The following CERS6 variants were observed in gnomAD, a reference collection of about 807,000 sequenced individuals.
CERS6 encodes LAG1 homolog, ceramide synthase 6.
In CERS6, 26 loss-of-function variants were observed where a neutral mutation model predicts 56.8. The ratio of observed to expected loss-of-function variants is 0.46; its 90% CI spans 0.34 to 0.63. The LOEUF is 0.63. Among genes scored for constraint, CERS6 ranks in the 30% least tolerant of loss-of-function variants. The probability of loss-of-function intolerance (pLI) is 0.01; values close to 1 mark genes in which losing one functional copy is unlikely to be tolerated. For missense variants in CERS6, 415 were observed against 467.5 expected, an observed-to-expected ratio of 0.89 and a Z score of 1.04; for synonymous variants, 164 against 173.3, an observed-to-expected ratio of 0.95 and a Z score of 0.42.
At chr2:168,689,572 C>G (rs1686445761) in intron 4 of CERS6, among the ~76,000 whole-genome samples, 1 of 152,168 alleles carries the variant, frequency 6.6e-6, no homozygotes, top group South Asian at 2.1e-4. Context: ...TGCACACGCT[C>G]TCATTTGATC....
At chr2:168,741,014 T>G (rs113186009) in intron 8 of CERS6, among the ~76,000 whole-genome samples, 11,296 of 151,456 alleles carry the variant, frequency 0.075, 533 homozygotes, top group East Asian at 0.11. Context: ...GTAGAGAGAG[T>G]GATGCTGCAG....
intron 6 of CERS6, among the ~76,000 whole-genome samples, chr2:168,707,581 G>A (rs879312412): frequency 2.6e-5 from 4 of 152,104 alleles, no homozygotes; most frequent in East Asian, 1.9e-4. Flanking sequence ...TAAATGGTCC[G>A]TTTAACCAGC....
At chr2:168,570,503 A>G (rs2105388181) in intron 3 of CERS6, among the ~76,000 whole-genome samples, 1 of 152,284 alleles carries the variant, frequency 6.6e-6, no homozygotes, top group African/African-American at 2.4e-5. Context: ...GGAGGGACAG[A>G]GGAACAAAGC....
intron 1 of CERS6, among the ~76,000 whole-genome samples, chr2:168,545,508 G>A (rs1364702383): frequency 6.7e-6 from 1 of 149,820 alleles, no homozygotes; most frequent in Non-Finnish European, 1.5e-5. Flanking sequence ...AATTTTTTTT[G>A]ATTTTTTTTT....
chr2:168,611,156 A>T (rs1032067600), intron 3 of CERS6, among the ~76,000 whole-genome samples: 1 of 152,164 alleles, frequency 6.6e-6, no homozygotes, highest in South Asian at 2.1e-4. Flanking sequence ...AAAAAGTCTG[A>T]TGTCTTATAA....
At chr2:168,621,900 G>A (rs1050286452) in intron 3 of CERS6, among the ~76,000 whole-genome samples, 5 of 152,166 alleles carry the variant, frequency 3.3e-5, no homozygotes, top group African/African-American at 4.8e-5. Context: ...GCTTAGAAAA[G>A]GATGGTTGGA....
intron 6 of CERS6, among the ~76,000 whole-genome samples, chr2:168,710,984 G>A (rs1205351052): frequency 3.3e-5 from 5 of 152,136 alleles, no homozygotes; most frequent in Non-Finnish European, 7.4e-5. Context: ...CCCTGACAGT[G>A]GAATCTACCA....
rs374401012 is a variant in CERS6 at position 168,563,808 on chromosome 2, A to G, written c.407+2486A>G. ...CAAGACTCCATCTCAAAAAAAGAAA[A>G]TAACCAGATATGTGTGTTGTAGGAT... is the stretch of plus-strand genomic sequence containing the variant. On this transcript the variant is annotated intron_variant, in intron 3 of 9. Coordinates refer to ENST00000305747, the MANE Select transcript of CERS6 (RefSeq NM_203463.3). 3.9e-5 allele frequency among the ~76,000 whole-genome samples: 6 copies of G among 152,240 alleles called. No homozygotes were observed. In the East Asian group the frequency reaches 9.7e-4, roughly 24 times the overall value.
rs1687226632 is a variant in CERS6 at position 168,716,371 on chromosome 2, T to C, written c.738+1242T>C. On this transcript the variant is annotated intron_variant, in intron 7 of 9. Transcript: ENST00000305747. ...CAACCTAAGGCTGTACAATCAATCC[T>C]ATACAATTAGCCAACTTCATTGCCT... Among the ~76,000 whole-genome samples, 3 of 152,126 alleles carry C rather than the reference T, an allele frequency of 2.0e-5. No individual in the cohort carries two copies. In the South Asian group the frequency reaches 6.2e-4, roughly 31 times the overall value.
intron 8 of CERS6, among the ~76,000 whole-genome samples, chr2:168,754,530 A>G (rs764162641): frequency 3.5e-4 from 53 of 152,062 alleles, no homozygotes; most frequent in African/African-American, 1.2e-3. Context: ...TACACACACA[A>G]TGCCTAAGGT....
chr2:168,486,151 G>A (rs1993222), intron 1 of CERS6, among the ~76,000 whole-genome samples: 8,378 of 151,978 alleles, frequency 0.055, 338 homozygotes, highest in East Asian at 0.18. Flanking sequence ...GTCCTTTTTG[G>A]CAAGGTGTCT....
intron 4 of CERS6, among the ~76,000 whole-genome samples, chr2:168,685,327 A>G (rs1033245658): frequency 2.0e-5 from 3 of 152,332 alleles, no homozygotes; most frequent in African/African-American, 7.2e-5. Context: ...ATTCAGCTGC[A>G]GATGCCTACT....
rs560870225 is a variant in CERS6 at position 168,691,545 on chromosome 2, C to T, written c.516+461C>T. On this transcript the variant is annotated intron_variant, in intron 5 of 9. Coordinates refer to ENST00000305747, the MANE Select transcript of CERS6 (RefSeq NM_203463.3). ...AAATATGTAAATCAAGCACCATTTCCTTGAGTGCAGAAAAATGGGCTTGTA... is the reference window on the plus strand; with the variant it reads ...AAATATGTAAATCAAGCACCATTTCTTTGAGTGCAGAAAAATGGGCTTGTA... 2.6e-5 allele frequency among the ~76,000 whole-genome samples: 4 copies of T among 152,298 alleles called. No homozygotes were observed. In the East Asian group the frequency reaches 7.7e-4, roughly 29 times the overall value.
chr2:168,546,631 G>A (rs1371880385), intron 1 of CERS6, among the ~76,000 whole-genome samples: 1 of 152,086 alleles, frequency 6.6e-6, no homozygotes, highest in East Asian at 1.9e-4. Context: ...ATTATGGTCT[G>A]TTTTGCATAT....
intron 4 of CERS6, among the ~76,000 whole-genome samples, chr2:168,673,802 A>G (rs1685983885): frequency 6.6e-6 from 1 of 152,214 alleles, no homozygotes; most frequent in Non-Finnish European, 1.5e-5. Flanking sequence ...TGCTTAAATA[A>G]TTTAATGTTG....
chr2:168,543,811 C>T (rs149401699), intron 1 of CERS6, among the ~76,000 whole-genome samples: 27 of 152,276 alleles, frequency 1.8e-4, no homozygotes, highest in South Asian at 4.1e-4. Context: ...GTAAAGCCTA[C>T]GCAAGTGCTC....
chr2:168,564,732 C>G (rs1695853798), intron 3 of CERS6, among the ~76,000 whole-genome samples: 1 of 152,114 alleles, frequency 6.6e-6, no homozygotes, highest in Admixed American at 6.6e-5. Flanking sequence ...AATCCCAGGC[C>G]CTCTCTGAAG....
chr2:168,525,805 T>C (rs1395521836), intron 1 of CERS6, among the ~76,000 whole-genome samples: 1 of 152,264 alleles, frequency 6.6e-6, no homozygotes, highest in African/African-American at 2.4e-5. Context: ...TGCAGGTCTT[T>C]AAATAAGAAC....
intron 4 of CERS6, among the ~76,000 whole-genome samples, chr2:168,667,757 T>C (rs1234533417): frequency 6.6e-6 from 1 of 152,220 alleles, no homozygotes; most frequent in Non-Finnish European, 1.5e-5. Flanking sequence ...GGTGTGCTTA[T>C]CAGTTTTAAT....
Sources: gnomAD v4.1 joint callset for allele counts (sites outside exome capture counted in the v4.1 genomes callset) on GRCh38, gnomAD v4.1.1 for gene constraint, MANE v1.5 for transcripts, NCBI Gene and HGNC (gene_info 2026-07-23, HGNC 2026-07-21) for gene names.